The following TTC7B variants were observed in gnomAD, a reference collection of about 807,000 sequenced individuals.
TTC7B encodes tetratricopeptide repeat protein 7B.
Under a neutral mutation model 106.8 loss-of-function variants are expected in TTC7B, and 28 were observed. The ratio of observed to expected loss-of-function variants is 0.26; its 90% CI spans 0.19 to 0.36. The LOEUF is 0.36. TTC7B is among the 10% of genes least tolerant of loss of function. The pLI is 1.00. For missense variants in TTC7B, 862 were observed against 1,076.4 expected (o/e 0.80, Z 2.79); for synonymous variants, 405 against 430.6 (o/e 0.94, Z 0.74).
chr14:90,806,160 C>T (rs1022549829), intron 1 of TTC7B, among the ~76,000 whole-genome samples: 3 of 152,250 alleles, frequency 2.0e-5, no homozygotes, highest in Non-Finnish European at 4.4e-5. Context: ...AAGCCTCGCC[C>T]TCCCGGGGCT....
Position 90,786,219 on chromosome 14 carries a change from C to T in TTC7B, c.231G>A (p.Glu77=), listed in dbSNP as rs1891383469. 1.2e-6 allele frequency: 2 copies of T among 1,602,128 alleles called. No homozygotes were observed. Among genetic ancestry groups the T allele is most frequent in the Non-Finnish European group, 1.7e-6 (2 of 1,175,044 alleles). Residue 77 remains glutamate (E), a synonymous_variant, in exon 2 of 20, where the codon GAG becomes GAA. Transcript: ENST00000328459. ...SPRGPKPQLT[E]VRKHLTAALD... is the part of the protein sequence containing the mutation. ...GGGCGGCGGTCAGATGCTTGCGGAC[C>T]TCAGTCAGCTGGGGCTTGGGGCCTC...
chr14:90,639,414 AAT>A, intron 15 of TTC7B, among the ~76,000 whole-genome samples: 1 of 152,234 alleles, frequency 6.6e-6, no homozygotes, highest in East Asian at 1.9e-4. Context: ...AGAAAAGGTG[AAT>A]GACCAATAGA....
At chr14:90,545,797 C>T (rs1170702463) in intron 19 of TTC7B, among the ~76,000 whole-genome samples, 4 of 152,232 alleles carry the variant, frequency 2.6e-5, no homozygotes, top group Non-Finnish European at 4.4e-5. Context: ...GAGAACCAAC[C>T]CCGAGGGGCT....
At chr14:90,703,384 A>T (rs1888074912) in intron 5 of TTC7B, among the ~76,000 whole-genome samples, 1 of 152,214 alleles carries the variant, frequency 6.6e-6, no homozygotes. Context: ...GAGGAAAAAA[A>T]GGCAGAAAGG....
rs1178042445 is a variant in TTC7B at position 90,600,275 on chromosome 14, C to T, written c.1967-6649G>A. ...CTTTGCTGTAGGGTAGTCCTGCTTT[C>T]TGAGGAGGCGACTCCAGGTGGTGGC... is the stretch of plus-strand genomic sequence containing the variant. On this transcript the variant is annotated intron_variant, in intron 17 of 19. Transcript: ENST00000328459. This position sits in a 1 kb window ranked among gnomAD's most constrained non-coding sequence, Gnocchi z 4.3. Among the ~76,000 whole-genome samples the T allele has an allele frequency of 6.6e-6, 1 of 152,192 alleles. No homozygotes were observed. The highest frequency in any genetic ancestry group is 1.5e-5 in the Non-Finnish European group (1 of 68,036).
chr14:90,603,757 C>T (rs1445909999), intron 17 of TTC7B, among the ~76,000 whole-genome samples: 1 of 152,124 alleles, frequency 6.6e-6, no homozygotes, highest in Non-Finnish European at 1.5e-5. Flanking sequence ...ATCTGCTTAT[C>T]CTAACGGAAA....
chr14:90,585,799 T>G (rs1891686772), intron 18 of TTC7B: 1 of 152,320 alleles, frequency 6.6e-6, no homozygotes, highest in Admixed American at 6.5e-5. Context: ...GTGCACCTTC[T>G]GTGCCTTAAC....
chr14:90,586,239 T>G lies in TTC7B; in HGVS notation c.2107+7247A>C, dbSNP rs946267438. Among the ~76,000 whole-genome samples the G allele has an allele frequency of 5.9e-5, 9 of 152,306 alleles. No homozygotes were observed. In the East Asian group the frequency reaches 1.5e-3, roughly 26 times the overall value. On this transcript the variant is annotated intron_variant, in intron 18 of 19. Transcript: ENST00000328459. ...CTCCCGCCTTGCCGACCACTCCCCT[T>G]CAGATGCTGTGGCTCTTCCTCTGCT...
At position 90,564,626 on chromosome 14, in the gene TTC7B, G is replaced by T. The variant is rs550135230; in HGVS notation, c.2310+13480C>A. ...TTTCATCTACATTAAAAAACTGCTGGGCTGGGCACAGTGGTTCAGGCCTGT... is the reference window on the plus strand; with the variant it reads ...TTTCATCTACATTAAAAAACTGCTGTGCTGGGCACAGTGGTTCAGGCCTGT... On this transcript the variant is annotated intron_variant, in intron 19 of 19. Coordinates refer to ENST00000328459, the MANE Select transcript of TTC7B (RefSeq NM_001010854.2). Among the ~76,000 whole-genome samples, 340 of 152,262 alleles carry T rather than the reference G, an allele frequency of 2.2e-3. 1 individual carries two copies. Among genetic ancestry groups the T allele is most frequent in the Non-Finnish European group, 3.7e-3 (253 of 68,022 alleles).
chr14:90,688,869 T>C (rs1360284446), intron 7 of TTC7B, among the ~76,000 whole-genome samples: 2 of 152,074 alleles, frequency 1.3e-5, no homozygotes, highest in Non-Finnish European at 2.9e-5. Flanking sequence ...AAGACTTGAA[T>C]GGGAGGCATT....
intron 1 of TTC7B, among the ~76,000 whole-genome samples, chr14:90,794,708 T>A (rs1265053293): frequency 6.6e-6 from 1 of 152,060 alleles, no homozygotes; most frequent in African/African-American, 2.4e-5. Context: ...TGCAAAACAA[T>A]TTCCGAAATT....
At chr14:90,610,575 A>G (rs1264798184) in intron 17 of TTC7B, among the ~76,000 whole-genome samples, 167 bp downstream of exon 17, 1 of 152,198 alleles carries the variant, frequency 6.6e-6, no homozygotes, top group African/African-American at 2.4e-5. Flanking sequence ...CTGTGAAGAA[A>G]CACTTGAGAA....
At chr14:90,682,302 A>C (rs1426886784) in intron 7 of TTC7B, among the ~76,000 whole-genome samples, 4 of 152,196 alleles carry the variant, frequency 2.6e-5, no homozygotes, top group South Asian at 2.1e-4. Flanking sequence ...CATAGTTGCT[A>C]ACAAGTGGCA....
chr14:90,662,564 A>G (rs1435063835), intron 9 of TTC7B, among the ~76,000 whole-genome samples: 1 of 152,146 alleles, frequency 6.6e-6, no homozygotes, highest in Admixed American at 6.5e-5. Flanking sequence ...GGAATACACA[A>G]CCTGAATGGC....
intron 9 of TTC7B, among the ~76,000 whole-genome samples, chr14:90,667,990 G>A (rs567113818): frequency 1.3e-5 from 2 of 152,260 alleles, no homozygotes; most frequent in East Asian, 1.9e-4. Context: ...ATGCATAGTG[G>A]CCTGTGGATT....
chr14:90,657,897 G>A lies in TTC7B; in HGVS notation c.1236+407C>T. On this transcript the variant is annotated intron_variant, in intron 10 of 19. Coordinates refer to ENST00000328459, the MANE Select transcript of TTC7B (RefSeq NM_001010854.2). The surrounding 1 kb of genome is among the most constrained non-coding windows in gnomAD (Gnocchi z 4.2). ...AGCATCAAGCTTCTATCCTGCCGTT[G>A]GACTCCCTCAGCCCACATTTTCATC... is the stretch of plus-strand genomic sequence containing the variant. 1 of 189,786 alleles carries A rather than the reference G, an allele frequency of 5.3e-6. No homozygotes were observed. The highest frequency in any genetic ancestry group is 9.4e-5 in the South Asian group (1 of 10,618). 11.8% of individuals were successfully genotyped at this position (189,786 alleles called of 1,614,324 possible).
intron 5 of TTC7B, among the ~76,000 whole-genome samples, chr14:90,706,897 G>A (rs558713089): frequency 6.6e-6 from 1 of 152,224 alleles, no homozygotes; most frequent in East Asian, 1.9e-4. Context: ...ACACATACAT[G>A]TACATATGTG....
chr14:90,594,679 A>C (rs1289293229), intron 17 of TTC7B, among the ~76,000 whole-genome samples: 3 of 152,240 alleles, frequency 2.0e-5, no homozygotes, highest in Admixed American at 6.5e-5. Context: ...ACTCATCATA[A>C]AGTTTAAAAT....
intron 16 of TTC7B, among the ~76,000 whole-genome samples, chr14:90,614,918 C>A (rs1893009654): frequency 6.6e-6 from 1 of 152,140 alleles, no homozygotes; most frequent in African/African-American, 2.4e-5. Context: ...GTGGCTGGGT[C>A]AATATGCACA....
Sources: allele counts gnomAD v4.1 joint callset (sites outside exome capture counted in the v4.1 genomes callset), GRCh38; gene constraint gnomAD v4.1.1; non-coding constraint Gnocchi (gnomAD v3.1); transcripts MANE v1.5; gene names NCBI Gene and HGNC (gene_info 2026-07-23, HGNC 2026-07-21).